Variants in MIS18A observed in about 807,000 individuals in gnomAD.
MIS18A encodes protein Mis18-alpha.
In MIS18A, 14 loss-of-function variants were observed where a neutral mutation model predicts 25.0. The observed-to-expected ratio is 0.56, with a 90% CI of 0.37 to 0.88. The LOEUF is 0.88. Among genes scored for constraint, MIS18A ranks in the 40% least tolerant of loss-of-function variants. The pLI is 0.00. For synonymous variants in MIS18A, 134 were observed against 118.6 expected (o/e 1.13, Z -0.84); for missense variants, 292 against 290.8 (o/e 1.00, Z -0.03).
the MIS18A span, among the ~76,000 whole-genome samples, chr21:32,213,434 T>C: frequency 6.6e-6 from 1 of 152,364 alleles, no homozygotes; most frequent in East Asian, 1.9e-4. Flanking sequence ...AATATGCTAC[T>C]CTTTGGACAA....
chr21:32,189,921 A>G, the MIS18A span, among the ~76,000 whole-genome samples: 1 of 152,220 alleles, frequency 6.6e-6, no homozygotes, highest in African/African-American at 2.4e-5. Flanking sequence ...CTCCCAGCGC[A>G]GGACCCAGCC....
chr21:32,177,044 T>C, the MIS18A span, among the ~76,000 whole-genome samples: 1 of 152,074 alleles, frequency 6.6e-6, no homozygotes, highest in Non-Finnish European at 1.5e-5. Context: ...TGAAAGCAGA[T>C]GCAAAAATCC....
chr21:32,161,842 A>C, the MIS18A span, among the ~76,000 whole-genome samples: 1 of 151,734 alleles, frequency 6.6e-6, no homozygotes, highest in African/African-American at 2.4e-5. Context: ...TACCAGTAAG[A>C]AAATACATTC....
chr21:32,252,203 G>GAGA, the MIS18A span, among the ~76,000 whole-genome samples: 754 of 119,140 alleles, frequency 6.3e-3, 7 homozygotes, highest in East Asian at 9.6e-3. Context: ...GGAAGAGGAG[G>GAGA]AGAAGAAGAA....
the MIS18A span, among the ~76,000 whole-genome samples, chr21:32,205,097 C>CTTTTTTTTTTTTTT: frequency 3.0e-5 from 2 of 66,182 alleles, no homozygotes; most frequent in Non-Finnish European, 5.1e-5. Flanking sequence ...AGAACTTGTC[C>CTTTTTTTTTTTTTT]TTTTTTTTTT....
At chr21:32,213,751 G>A in the MIS18A span, among the ~76,000 whole-genome samples, 1 of 152,218 alleles carries the variant, frequency 6.6e-6, no homozygotes. Flanking sequence ...ATGTCAAGGT[G>A]TCAGCAAGTC....
At chr21:32,230,397 G>A in the MIS18A span, among the ~76,000 whole-genome samples, 4 of 152,104 alleles carry the variant, frequency 2.6e-5, no homozygotes, top group African/African-American at 7.2e-5. Context: ...GAAATTATAC[G>A]ATAACCTGAA....
chr21:32,253,162 G>A, the MIS18A span, among the ~76,000 whole-genome samples: 25 of 151,754 alleles, frequency 1.6e-4, 2 homozygotes, highest in Admixed American at 9.8e-4. Context: ...GTGCCCCCCC[G>A]CACGACCCCC....
At chr21:32,212,279 T>C in the MIS18A span, among the ~76,000 whole-genome samples, 2 of 152,174 alleles carry the variant, frequency 1.3e-5, no homozygotes, top group African/African-American at 4.8e-5. Flanking sequence ...AAGGCATGAC[T>C]TTAATGTGTC....
the MIS18A span, among the ~76,000 whole-genome samples, chr21:32,198,576 G>A: frequency 1.3e-5 from 2 of 152,200 alleles, no homozygotes; most frequent in African/African-American, 2.4e-5. Flanking sequence ...CAGTCTGCCC[G>A]GTTCTGCCCA....
At chr21:32,175,001 T>C in the MIS18A span, among the ~76,000 whole-genome samples, 2 of 152,202 alleles carry the variant, frequency 1.3e-5, no homozygotes, top group Admixed American at 6.5e-5. Flanking sequence ...CTGACAAATA[T>C]GTAGTTGGAC....
chr21:32,223,435 GA>G, the MIS18A span, among the ~76,000 whole-genome samples: 1 of 152,114 alleles, frequency 6.6e-6, no homozygotes, highest in Admixed American at 6.5e-5. Flanking sequence ...AATAAAAAAT[GA>G]CTAAGGGGAT....
chr21:32,173,391 C>T, the MIS18A span, among the ~76,000 whole-genome samples: 1 of 152,164 alleles, frequency 6.6e-6, no homozygotes, highest in Non-Finnish European at 1.5e-5. Flanking sequence ...TTGGCAGTTC[C>T]TCAAAATGTT....
chr21:32,215,832 C>T, the MIS18A span, among the ~76,000 whole-genome samples: 910 of 152,232 alleles, frequency 6.0e-3, 8 homozygotes, highest in African/African-American at 0.021. Context: ...CTGAGAGGCA[C>T]ATTTTAGTAA....
At chr21:32,159,702 A>C in the MIS18A span, among the ~76,000 whole-genome samples, 1 of 152,228 alleles carries the variant, frequency 6.6e-6, no homozygotes, top group Non-Finnish European at 1.5e-5. Flanking sequence ...AATACATTTA[A>C]GAAATACATT....
the MIS18A span, among the ~76,000 whole-genome samples, chr21:32,244,628 T>C: frequency 3.9e-5 from 6 of 152,084 alleles, no homozygotes; most frequent in African/African-American, 1.4e-4. Context: ...TCCCAGCTAC[T>C]TGGGAGGCTG....
chr21:32,157,223 A>ATTTTTTTTTTTTTTTT, the MIS18A span, among the ~76,000 whole-genome samples: 19 of 72,312 alleles, frequency 2.6e-4, 4 homozygotes, highest in African/African-American at 8.9e-4. Flanking sequence ...TACCCGGCTA[A>ATTTTTTTTTTTTTTTT]TTTTTTTTTT....
the MIS18A span, among the ~76,000 whole-genome samples, chr21:32,191,774 G>C: frequency 9.2e-5 from 14 of 151,972 alleles, no homozygotes; most frequent in Non-Finnish European, 1.5e-4. Context: ...GCGTTGTGGC[G>C]GGTGCCTGTA....
At chr21:32,255,853 C>T in the MIS18A span, among the ~76,000 whole-genome samples, 9 of 150,878 alleles carry the variant, frequency 6.0e-5, no homozygotes, top group African/African-American at 1.5e-4. Flanking sequence ...AACGTGCCAC[C>T]GCACTCCAGC....
Sources: allele counts gnomAD v4.1 joint callset (sites outside exome capture counted in the v4.1 genomes callset), GRCh38; gene constraint gnomAD v4.1.1; transcripts MANE v1.5; gene names NCBI Gene and HGNC (gene_info 2026-07-23, HGNC 2026-07-21).